Variants in MGAT4C observed in about 807,000 individuals in gnomAD.
The protein encoded by MGAT4C is alpha-1,3-mannosyl-glycoprotein 4-beta-N-acetylglucosaminyltransferase C.
Under a neutral mutation model 40.1 loss-of-function variants are expected in MGAT4C, and 19 were observed. The observed-to-expected ratio is 0.47, with a 90% CI of 0.33 to 0.70. The LOEUF (loss-of-function observed/expected upper bound fraction) is 0.70. Ranked by LOEUF, MGAT4C falls within the 30% of genes least tolerant of loss-of-function variation. The probability of loss-of-function intolerance (pLI) is 0.02; values close to 1 mark genes in which losing one functional copy is unlikely to be tolerated. For missense variants in MGAT4C, 491 were observed against 563.2 expected, an observed-to-expected ratio of 0.87 and a Z score of 1.30; for synonymous variants, 181 against 187.1, an observed-to-expected ratio of 0.97 and a Z score of 0.27.
chr12:86,097,878 CT>C (rs2135588224), intron 1 of MGAT4C, among the ~76,000 whole-genome samples: 1 of 151,662 alleles, frequency 6.6e-6, no homozygotes, highest in East Asian at 1.9e-4. Flanking sequence ...GCATCTTCCC[CT>C]GAAAAAACCT....
At chr12:86,258,387 A>G, upstream of MGAT4C, among the ~76,000 whole-genome samples, 1 of 151,992 alleles carries the variant, frequency 6.6e-6, no homozygotes, top group Admixed American at 6.6e-5. Context: ...ATTTTAGTGC[A>G]CAGAAATCAT....
intron 2 of MGAT4C, among the ~76,000 whole-genome samples, chr12:86,708,766 G>C (rs1262943224): frequency 6.6e-6 from 1 of 152,164 alleles, no homozygotes; most frequent in Non-Finnish European, 1.5e-5. Context: ...CCAGATTTTG[G>C]ACTTTCATGG....
At chr12:86,707,256 C>G (rs1458981245) in intron 2 of MGAT4C, among the ~76,000 whole-genome samples, 1 of 152,038 alleles carries the variant, frequency 6.6e-6, no homozygotes, top group Non-Finnish European at 1.5e-5. Flanking sequence ...TTGGAGGGCT[C>G]AGAAGAAGAC....
At chr12:86,288,850 A>G (rs528312938) in intron 4 of MGAT4C, among the ~76,000 whole-genome samples, 22 of 152,028 alleles carry the variant, frequency 1.4e-4, no homozygotes, top group Admixed American at 1.4e-3. Context: ...ATTTTCTCCC[A>G]TTCTGTAGGT....
Position 86,817,272 on chromosome 12 carries a change from G to C in MGAT4C, c.-262+21394C>G, listed in dbSNP as rs185551799. Among the ~76,000 whole-genome samples, 6 of 151,276 alleles carry C rather than the reference G, an allele frequency of 4.0e-5. No individual in the cohort carries two copies. In the East Asian group the frequency reaches 9.7e-4, roughly 24 times the overall value. On this transcript the variant is annotated intron_variant, in intron 1 of 7. Transcript: ENST00000548651. ...ACATTCACTTCACTTTTGATTGATAGAATATTTAAATTGTTTATTATTTTA... is the reference window on the plus strand; with the variant it reads ...ACATTCACTTCACTTTTGATTGATACAATATTTAAATTGTTTATTATTTTA...
At chr12:86,561,311 A>G (rs1959853088) in intron 2 of MGAT4C, among the ~76,000 whole-genome samples, 1 of 152,190 alleles carries the variant, frequency 6.6e-6, no homozygotes, top group Non-Finnish European at 1.5e-5. Flanking sequence ...AAGGATGCAA[A>G]GTATTGTTCC....
At chr12:85,999,308 ACATTCTTTT>A (rs1466128676) in intron 2 of MGAT4C, among the ~76,000 whole-genome samples, 2 of 152,088 alleles carry the variant, frequency 1.3e-5, no homozygotes, top group African/African-American at 2.4e-5. Flanking sequence ...AGCAGAATAC[ACATTCTTTT>A]CAAATGCACA....
intron 4 of MGAT4C, among the ~76,000 whole-genome samples, chr12:86,282,286 T>C (rs1387206907): frequency 6.6e-6 from 1 of 152,132 alleles, no homozygotes; most frequent in Non-Finnish European, 1.5e-5. Flanking sequence ...TACGGATTAC[T>C]TTCAATGATT....
At chr12:86,536,120 T>A (rs545146289) in intron 2 of MGAT4C, among the ~76,000 whole-genome samples, 1 of 152,204 alleles carries the variant, frequency 6.6e-6, no homozygotes, top group African/African-American at 2.4e-5. Context: ...TACACAGTCT[T>A]GTGGATATGG....
chr12:86,579,303 T>G (rs986338314), intron 2 of MGAT4C, among the ~76,000 whole-genome samples: 2 of 151,636 alleles, frequency 1.3e-5, no homozygotes, highest in Non-Finnish European at 3.0e-5. Context: ...TTGCTTTTTA[T>G]TTTTTGTGTA....
At chr12:86,560,307 C>A (rs1959802173) in intron 2 of MGAT4C, among the ~76,000 whole-genome samples, 1 of 151,666 alleles carries the variant, frequency 6.6e-6, no homozygotes, top group South Asian at 2.1e-4. Context: ...TACCATGATA[C>A]CAAAACTAGA....
At chr12:86,471,309 G>T (rs1340027331) in intron 2 of MGAT4C, among the ~76,000 whole-genome samples, 1 of 151,884 alleles carries the variant, frequency 6.6e-6, no homozygotes, top group Non-Finnish European at 1.5e-5. Flanking sequence ...CAATGTACAT[G>T]AATGTAATAT....
chr12:85,993,420 C>T (rs557306199), intron 2 of MGAT4C, among the ~76,000 whole-genome samples: 50 of 152,164 alleles, frequency 3.3e-4, no homozygotes, highest in Non-Finnish European at 6.8e-4. Context: ...GGAGGAAACA[C>T]TTTCAGGTTT....
chr12:86,774,291 C>CTTTCTTTCTTTCTT (rs1951695992), intron 1 of MGAT4C, among the ~76,000 whole-genome samples: 1 of 28,596 alleles, frequency 3.5e-5, no homozygotes, highest in Non-Finnish European at 8.8e-5. Context: ...CTCTTTCTTT[C>CTTTCTTTCTTTCTT]TTTCTTTCTT....
intron 4 of MGAT4C, among the ~76,000 whole-genome samples, chr12:86,314,102 T>G (rs1954140587): frequency 6.6e-6 from 1 of 152,250 alleles, no homozygotes; most frequent in Admixed American, 6.5e-5. Flanking sequence ...ATAAGCTCCC[T>G]GTCAGCTTTC....
chr12:86,148,930 A>T (rs1041111778), intron 1 of MGAT4C, among the ~76,000 whole-genome samples: 1 of 152,170 alleles, frequency 6.6e-6, no homozygotes, highest in Non-Finnish European at 1.5e-5. Flanking sequence ...CTCCTCAAGC[A>T]CTGCTGTGCC....
chr12:86,379,520 T>G (rs996105768), intron 3 of MGAT4C, among the ~76,000 whole-genome samples: 3 of 152,108 alleles, frequency 2.0e-5, no homozygotes, highest in African/African-American at 7.2e-5. Context: ...AAAGGTTATT[T>G]GGGAGCAGGG....
At chr12:86,385,921 TTTTATTTTTTATTTA>T (rs1035354816) in intron 3 of MGAT4C, among the ~76,000 whole-genome samples, 2 of 152,152 alleles carry the variant, frequency 1.3e-5, no homozygotes, top group African/African-American at 4.8e-5. Flanking sequence ...AGTAATTATT[TTTTATTTTTTATTTA>T]TTTATTTTTT....
intron 1 of MGAT4C, among the ~76,000 whole-genome samples, chr12:86,200,595 T>C (rs1343556830): frequency 6.6e-6 from 1 of 152,172 alleles, no homozygotes; most frequent in Admixed American, 6.6e-5. Flanking sequence ...AATATTTGTT[T>C]CCTTGATGAC....
Sources: allele counts gnomAD v4.1 joint callset (sites outside exome capture counted in the v4.1 genomes callset), GRCh38; gene constraint gnomAD v4.1.1; transcripts MANE v1.5; gene names NCBI Gene and HGNC (gene_info 2026-07-23, HGNC 2026-07-21).